The following RNF150 variants were observed in gnomAD, a reference collection of about 807,000 sequenced individuals.
RNF150 encodes the protein ring finger protein 150.
A neutral mutation model predicts 39.3 loss-of-function variants in RNF150; 24 were observed. The ratio of observed to expected loss-of-function variants is 0.61; its 90% CI spans 0.44 to 0.86. The LOEUF is 0.86. Among genes scored for constraint, RNF150 ranks in the 40% least tolerant of loss-of-function variants. The pLI is 0.00. For missense variants in RNF150, 502 were observed against 587.8 expected, an observed-to-expected ratio of 0.85 and a Z score of 1.51; for synonymous variants, 255 against 227.3, an observed-to-expected ratio of 1.12 and a Z score of -1.10.
chr4:140,903,560 G>A (rs1442020536), intron 6 of RNF150, among the ~76,000 whole-genome samples: 1 of 152,092 alleles, frequency 6.6e-6, no homozygotes, highest in Admixed American at 6.5e-5. Flanking sequence ...CCTCACTGCC[G>A]AGATCCATGC....
At chr4:140,969,068 G>T (rs909310512) in intron 1 of RNF150, among the ~76,000 whole-genome samples, 2 of 151,950 alleles carry the variant, frequency 1.3e-5, no homozygotes, top group East Asian at 3.9e-4. Flanking sequence ...GCTGCTTAAC[G>T]CTGGCTGTAT....
intron 1 of RNF150, among the ~76,000 whole-genome samples, chr4:141,171,827 T>C (rs1264616929): frequency 6.6e-6 from 1 of 152,216 alleles, no homozygotes; most frequent in Non-Finnish European, 1.5e-5. Flanking sequence ...TTGGAGCCAA[T>C]GATTTTCTTC....
rs192670804 is a variant in RNF150, at chr4:140,897,521, G to A, written c.1198+13623C>T. Among the ~76,000 whole-genome samples, 812 of 152,254 alleles carry A rather than the reference G, an allele frequency of 5.3e-3. 29 individuals carry two copies. The highest frequency in any genetic ancestry group is 0.048 in the Admixed American group (737 of 15,272). Reference sequence around the variant, plus strand: ...CTAGAAACTGGTTTGAGAAACTGGAGAAAGAATCTGGGCTTTGATGAGAGT... The same window carrying A: ...CTAGAAACTGGTTTGAGAAACTGGAAAAAGAATCTGGGCTTTGATGAGAGT... On this transcript the variant is annotated intron_variant, in intron 6 of 6. Coordinates refer to ENST00000515673, the MANE Select transcript of RNF150 (RefSeq NM_020724.2).
At chr4:140,947,598 C>G (rs572792621) in intron 4 of RNF150, 56 bp downstream of exon 4, 3 of 1,349,274 alleles carry the variant, frequency 2.2e-6, no homozygotes, top group Non-Finnish European at 3.2e-6. Flanking sequence ...AGGGAGGCCA[C>G]GCAGGCACGC....
At chr4:141,023,420 AT>A (rs70946790) in intron 1 of RNF150, among the ~76,000 whole-genome samples, 59,499 of 149,082 alleles carry the variant, frequency 0.4, 12,246 homozygotes, top group South Asian at 0.58. Context: ...TACTTTTCAT[AT>A]TTTTTTTTTT....
chr4:140,903,345 C>T (rs1025055425), intron 6 of RNF150, among the ~76,000 whole-genome samples: 1 of 152,196 alleles, frequency 6.6e-6, no homozygotes, highest in Non-Finnish European at 1.5e-5. Flanking sequence ...CCCTCAGACT[C>T]TGAATTTCCA....
intron 1 of RNF150, among the ~76,000 whole-genome samples, chr4:141,198,858 A>G (rs1050767112): frequency 5.9e-5 from 9 of 152,360 alleles, no homozygotes; most frequent in African/African-American, 2.2e-4. Context: ...CACCAAAAGC[A>G]TAATTCATCA....
At chr4:140,976,914 C>G (rs1384518473) in intron 1 of RNF150, among the ~76,000 whole-genome samples, 2 of 152,084 alleles carry the variant, frequency 1.3e-5, no homozygotes, top group East Asian at 1.9e-4. Context: ...CTGCTATCAC[C>G]CTGCTTTCCT....
chr4:141,096,709 TCAAA>T (rs1212501570), intron 1 of RNF150, among the ~76,000 whole-genome samples: 2 of 152,218 alleles, frequency 1.3e-5, no homozygotes, highest in East Asian at 3.8e-4. Context: ...TTTACTGTGA[TCAAA>T]CAATCCCTCT....
In RNF150 at chr4:140,935,026, ATT is replaced by A. The variant is rs1560975595; in HGVS notation, c.891-8955_891-8954del. 4.9e-3 allele frequency among the ~76,000 whole-genome samples: 130 copies of A among 26,644 alleles called. 2 individuals are homozygous for A. The highest frequency in any genetic ancestry group is 0.022 in the African/African-American group (120 of 5,336). The allele number at this position is 26,644 out of a possible 152,430, so 17.5% of individuals were successfully genotyped here. ...ATATATAAATATATATATATTATAT[ATT>A]TATAATATATATATATAAATATATA... On this transcript the variant is annotated intron_variant, in intron 4 of 6. Coordinates refer to ENST00000515673, the MANE Select transcript of RNF150 (RefSeq NM_020724.2).
Position 140,862,802 on chromosome 4 carries a change from A to C in RNF150, c.*5459T>G, listed in dbSNP as rs1486254485. The C allele has an allele frequency of 6.6e-6, 1 of 152,160 alleles. No homozygotes were observed. Among genetic ancestry groups the C allele is most frequent in the Non-Finnish European group, 1.5e-5 (1 of 68,024 alleles). 9.4% of individuals were successfully genotyped at this position (152,160 alleles called of 1,614,324 possible). A position where few individuals can be genotyped will look rare whatever the true frequency, so the allele number is the denominator to read the frequency against. ...ACTCCCCAAAACCCAGGTCAGCTCT[A>C]AACCTAGGGATGAGCATTTACTTGG... On this transcript the variant is annotated 3_prime_UTR_variant, in exon 7 of 7. Transcript: ENST00000515673.
At chr4:141,027,920 T>G (rs1283024276) in intron 1 of RNF150, among the ~76,000 whole-genome samples, 15 of 58,078 alleles carry the variant, frequency 2.6e-4, no homozygotes, top group East Asian at 1.1e-3. Context: ...TTGTTTTTTT[T>G]TTTTTGTTTT....
At chr4:140,986,787 A>G (rs376971581) in intron 1 of RNF150, among the ~76,000 whole-genome samples, 227 of 152,206 alleles carry the variant, frequency 1.5e-3, no homozygotes, top group African/African-American at 5.4e-3. Flanking sequence ...CACAGTAATC[A>G]GGCAAGAGAA....
intron 5 of RNF150, 141 bp downstream of exon 5, chr4:140,925,836 T>TGGAG: frequency 1.6e-6 from 1 of 634,726 alleles, no homozygotes; most frequent in Non-Finnish European, 2.8e-6. Flanking sequence ...ACATAGGAGT[T>TGGAG]CTCTTGGAGC....
chr4:141,197,001 T>C (rs751671270), intron 1 of RNF150, among the ~76,000 whole-genome samples: 1 of 152,194 alleles, frequency 6.6e-6, no homozygotes, highest in African/African-American at 2.4e-5. Flanking sequence ...CATAAATTAA[T>C]CTTTTGATCA....
intron 1 of RNF150, among the ~76,000 whole-genome samples, chr4:141,000,023 G>GAA (rs1379824023): frequency 0.018 from 564 of 30,764 alleles, 65 homozygotes; most frequent in Non-Finnish European, 0.031. Context: ...AGAAGAAGAA[G>GAA]AAGAAGAAGA....
At position 140,978,200 on chromosome 4, in the gene RNF150, C is replaced by A. The variant is rs185426139; in HGVS notation, c.485-10327G>T. 1.3e-3 allele frequency among the ~76,000 whole-genome samples: 192 copies of A among 152,202 alleles called. 3 individuals carry two copies. Among genetic ancestry groups the A allele is most frequent in the African/African-American group, 4.5e-3 (187 of 41,544 alleles). Reference sequence around the variant, plus strand: ...AGGCTCATATAAGTTGCTGAATGAACACTGGTTAATCTGTGCTCCCCCAAG... The same window carrying A: ...AGGCTCATATAAGTTGCTGAATGAAAACTGGTTAATCTGTGCTCCCCCAAG... On this transcript the variant is annotated intron_variant, in intron 1 of 6. Coordinates refer to ENST00000515673, the MANE Select transcript of RNF150 (RefSeq NM_020724.2).
At chr4:141,182,154 A>G (rs1162815454) in intron 1 of RNF150, among the ~76,000 whole-genome samples, 2 of 148,628 alleles carry the variant, frequency 1.3e-5, no homozygotes, top group Non-Finnish European at 3.0e-5. Context: ...AACTCTCAAT[A>G]AATTAGATAT....
intron 1 of RNF150, among the ~76,000 whole-genome samples, chr4:141,203,889 T>C (rs1159985446): frequency 6.6e-6 from 1 of 152,136 alleles, no homozygotes; most frequent in Non-Finnish European, 1.5e-5. Context: ...AGTTCTTCTC[T>C]AGACCTTCCC....
Sources: allele counts gnomAD v4.1 joint callset (sites outside exome capture counted in the v4.1 genomes callset), GRCh38; gene constraint gnomAD v4.1.1; transcripts MANE v1.5; gene names NCBI Gene and HGNC (gene_info 2026-07-23, HGNC 2026-07-21).